ELL: variants seen among roughly 807,000 people sequenced by gnomAD.
ELL encodes elongation factor for RNA polymerase II, also known as RNA polymerase II elongation factor ELL.
ELL carries 18 observed loss-of-function variants against 64.0 expected under a neutral mutation model. That is an observed-to-expected ratio of 0.28 (90% CI 0.19 to 0.42). The LOEUF (loss-of-function observed/expected upper bound fraction) is 0.42. Ranked by LOEUF, ELL falls within the 10% of genes least tolerant of loss-of-function variation. The probability of loss-of-function intolerance (pLI) is 1.00; values close to 1 mark genes in which losing one functional copy is unlikely to be tolerated. For synonymous variants in ELL, 399 were observed against 376.2 expected, an observed-to-expected ratio of 1.06 and a Z score of -0.70; for missense variants, 797 against 870.4, an observed-to-expected ratio of 0.92 and a Z score of 1.06.
At chr19:18,508,974 C>T (rs1008043652) in intron 1 of ELL, among the ~76,000 whole-genome samples, 1 of 152,188 alleles carries the variant, frequency 6.6e-6, no homozygotes, top group African/African-American at 2.4e-5. Flanking sequence ...GCAACTATAG[C>T]AGTGACCCTG....
chr19:18,476,287 C>T (rs1430625958), intron 1 of ELL, among the ~76,000 whole-genome samples: 1 of 152,196 alleles, frequency 6.6e-6, no homozygotes, highest in African/African-American at 2.4e-5. Context: ...ACTGTCCATG[C>T]GAGGCCTCTG....
intron 2 of ELL, chr19:18,470,920 C>T (rs1975051159): frequency 2.2e-6 from 1 of 455,674 alleles, no homozygotes; most frequent in South Asian, 1.6e-5. Flanking sequence ...TTTATCAGCA[C>T]ACACAGACAC....
chr19:18,508,414 A>G (rs1568399232), intron 1 of ELL, among the ~76,000 whole-genome samples: 1 of 152,256 alleles, frequency 6.6e-6, no homozygotes, highest in Non-Finnish European at 1.5e-5. Flanking sequence ...AAGGTTTGAC[A>G]TCATCTGCAC....
Position 18,442,903 on chromosome 19 carries a change from C to T in ELL, c.*1849G>A, listed in dbSNP as rs1292111065. 8.7e-6 allele frequency: 2 copies of T among 229,410 alleles called. No homozygotes were observed. Among genetic ancestry groups the T allele is most frequent in the Non-Finnish European group, 1.7e-5 (2 of 115,504 alleles). 14.2% of individuals were successfully genotyped at this position (229,410 alleles called of 1,614,324 possible). ...AAAAAAATAGTATCAATAAGTTAGA[C>T]CATATTTAATCAGCTAGAACTTTGT... On this transcript the variant is annotated 3_prime_UTR_variant, in exon 12 of 12. Coordinates refer to ENST00000262809, the MANE Select transcript of ELL (RefSeq NM_006532.4).
At position 18,465,550 on chromosome 19, in the gene ELL, G is replaced by A. The variant is rs1974915350; in HGVS notation, c.331C>T (p.Leu111=). 1 of 1,602,884 alleles carries A rather than the reference G, an allele frequency of 6.2e-7. No individual in the cohort carries two copies. Residue 111 remains leucine (L), a synonymous_variant, in exon 4 of 12, where the codon CTG becomes TTG. Coordinates refer to ENST00000262809, the MANE Select transcript of ELL (RefSeq NM_006532.4). The stretch of plus-strand genomic sequence containing the variant: ...GTGATCTTGTCCTGTATGCTGCCCA[G>A]GCAGTCCAGGTGAACTTCCCCATGA... ...SSHGEVHLDC[L]GSIQDKITVC...
At chr19:18,475,607 GGAGA>G (rs2144934271) in intron 1 of ELL, among the ~76,000 whole-genome samples, 1 of 152,330 alleles carries the variant, frequency 6.6e-6, no homozygotes, top group East Asian at 1.9e-4. Context: ...GTCAACTGGT[GGAGA>G]GAGAATCAAA....
chr19:18,458,351 CA>C (rs1280377196), intron 5 of ELL, 22 bp from the exon 6 acceptor site: 1 of 1,603,072 alleles, frequency 6.2e-7, no homozygotes, highest in Non-Finnish European at 8.5e-7. Context: ...AGCCAGCCAT[CA>C]CTTTGTGGGA....
Position 18,476,107 on chromosome 19 carries a change from C to A in ELL, c.136-3225G>T, listed in dbSNP as rs549550507. Among the ~76,000 whole-genome samples, 4 of 152,212 alleles carry A rather than the reference C, an allele frequency of 2.6e-5. 1 individual carries two copies. On this transcript the variant is annotated intron_variant, in intron 1 of 11. Transcript: ENST00000262809. Reference sequence around the variant, plus strand: ...CTCATGGCACCAGTCCTCATGGGCCCCAGGAGCACACGACCAAGGCCAGGT... The same window carrying A: ...CTCATGGCACCAGTCCTCATGGGCCACAGGAGCACACGACCAAGGCCAGGT...
At position 18,444,642 on chromosome 19, in the gene ELL, G is replaced by A. The variant is rs560438571; in HGVS notation, c.*110C>T. 7.0e-5 allele frequency: 85 copies of A among 1,220,208 alleles called. No homozygotes were observed. In the South Asian group the frequency reaches 9.6e-4, roughly 14 times the overall value. 75.6% of individuals were successfully genotyped at this position (1,220,208 alleles called of 1,614,324 possible). A position where few individuals can be genotyped will look rare whatever the true frequency, so the allele number is the denominator to read the frequency against. ...TGCAGGGGCTGCCCTGAAAGCCGGCGGTGCTGGCTCAGATGAGCATCTTCC... is the reference window on the plus strand; with the variant it reads ...TGCAGGGGCTGCCCTGAAAGCCGGCAGTGCTGGCTCAGATGAGCATCTTCC... On this transcript the variant is annotated 3_prime_UTR_variant, in exon 12 of 12. Coordinates refer to ENST00000262809, the MANE Select transcript of ELL (RefSeq NM_006532.4).
At chr19:18,468,316 A>G (rs1974995811) in intron 2 of ELL, among the ~76,000 whole-genome samples, 1 of 152,200 alleles carries the variant, frequency 6.6e-6, no homozygotes, top group Admixed American at 6.5e-5. Context: ...AGCCTCAGCC[A>G]GAGCCATGTG....
chr19:18,487,866 G>A (rs1010167094), intron 1 of ELL, among the ~76,000 whole-genome samples: 3 of 152,310 alleles, frequency 2.0e-5, no homozygotes, highest in Non-Finnish European at 1.5e-5. Flanking sequence ...TTCAGAATCC[G>A]AACACTCAGG....
At chr19:18,462,530 T>A (rs1974851089) in intron 4 of ELL, among the ~76,000 whole-genome samples, 1 of 151,852 alleles carries the variant, frequency 6.6e-6, no homozygotes, top group Non-Finnish European at 1.5e-5. Context: ...ACCACAGGTG[T>A]GCACCACCAT....
At chr19:18,521,883 A>G (rs1156837355) in intron 1 of ELL, 38 bp downstream of exon 1, 1 of 1,546,060 alleles carries the variant, frequency 6.5e-7, no homozygotes, top group Non-Finnish European at 8.7e-7. Flanking sequence ...CCGCGTCCGG[A>G]CGTTCCCCAC....
Position 18,454,954 on chromosome 19 carries a change from A to G in ELL, c.869+3251T>C, listed in dbSNP as rs543774587. 2.0e-5 allele frequency among the ~76,000 whole-genome samples: 3 copies of G among 151,516 alleles called. No homozygotes were observed. The East Asian group carries it at 5.8e-4, about 29-fold the overall frequency. On this transcript the variant is annotated intron_variant, in intron 6 of 11. Transcript: ENST00000262809. Reference sequence around the variant, plus strand: ...CAGGAGTTTGAGACAAGCCTGGCCAACATGGTGAAACCCCAGATCTACTAA... The same window carrying G: ...CAGGAGTTTGAGACAAGCCTGGCCAGCATGGTGAAACCCCAGATCTACTAA...
chr19:18,479,085 G>A (rs1449117158), intron 1 of ELL, among the ~76,000 whole-genome samples: 4 of 152,344 alleles, frequency 2.6e-5, no homozygotes, highest in South Asian at 2.1e-4. Context: ...CCTCCAGGCC[G>A]AGTGACCAGT....
At chr19:18,520,253 T>A (rs1030821297) in intron 1 of ELL, among the ~76,000 whole-genome samples, 1 of 152,130 alleles carries the variant, frequency 6.6e-6, no homozygotes, top group Non-Finnish European at 1.5e-5. Context: ...CGTAGTTATA[T>A]GACTCACGAG....
rs549253595 is a variant in ELL, at chr19:18,444,027, T to G, written c.*725A>C. On this transcript the variant is annotated 3_prime_UTR_variant, in exon 12 of 12. Coordinates refer to ENST00000262809, the MANE Select transcript of ELL (RefSeq NM_006532.4). ...GCCCCCGACAGCTGAGGGCCTGAAA[T>G]AGCAGGGCAGGCCTGGGGGCGCTGA... is the stretch of plus-strand genomic sequence containing the variant. 1 of 231,510 alleles carries G rather than the reference T, an allele frequency of 4.3e-6. No individual in the cohort carries two copies. Among genetic ancestry groups the G allele is most frequent in the African/African-American group, 2.2e-5 (1 of 45,212 alleles). The allele number at this position is 231,510 out of a possible 1,614,324, so 14.3% of individuals were successfully genotyped here.
intron 1 of ELL, among the ~76,000 whole-genome samples, chr19:18,502,141 C>T (rs1264292758): frequency 6.6e-6 from 1 of 152,140 alleles, no homozygotes; most frequent in African/African-American, 2.4e-5. Context: ...CCCCACAGCT[C>T]CACGGGGCAG....
At chr19:18,465,190 C>G (rs1480418852) in intron 4 of ELL, among the ~76,000 whole-genome samples, 2 of 152,224 alleles carry the variant, frequency 1.3e-5, no homozygotes, top group Non-Finnish European at 2.9e-5. Flanking sequence ...CTGCCATAAC[C>G]CAACCCCCTA....
Sources: allele counts gnomAD v4.1 joint callset (sites outside exome capture counted in the v4.1 genomes callset), GRCh38; gene constraint gnomAD v4.1.1; transcripts MANE v1.5; gene names NCBI Gene and HGNC (gene_info 2026-07-23, HGNC 2026-07-21).